SKAP1: variants seen among roughly 807,000 people sequenced by gnomAD.
SKAP1 encodes src kinase-associated phosphoprotein 1.
In SKAP1, 44 loss-of-function variants were observed where a neutral mutation model predicts 58.5. The observed-to-expected ratio is 0.75, with a 90% confidence interval of 0.59 to 0.97. The LOEUF (loss-of-function observed/expected upper bound fraction) is 0.97. SKAP1 is among the 50% of genes least tolerant of loss of function. The pLI is 0.00. For synonymous variants in SKAP1, 127 were observed against 149.7 expected, an observed-to-expected ratio of 0.85 and a Z score of 1.11; for missense variants, 390 against 435.2, an observed-to-expected ratio of 0.90 and a Z score of 0.92.
At chr17:48,265,312 T>G (rs897111402) in intron 4 of SKAP1, among the ~76,000 whole-genome samples, 5 of 152,230 alleles carry the variant, frequency 3.3e-5, no homozygotes, top group African/African-American at 1.2e-4. Context: ...AAGACCAGCC[T>G]GGCCAACATG....
chr17:48,261,081 T>A (rs2065479297), intron 4 of SKAP1, among the ~76,000 whole-genome samples: 1 of 152,162 alleles, frequency 6.6e-6, no homozygotes, highest in Non-Finnish European at 1.5e-5. Flanking sequence ...AGAATTAGAA[T>A]TATTATAGTT....
chr17:48,384,477 A>T (rs2067252849), intron 2 of SKAP1, among the ~76,000 whole-genome samples: 1 of 152,150 alleles, frequency 6.6e-6, no homozygotes, highest in African/African-American at 2.4e-5. Flanking sequence ...AAGACAGGAG[A>T]TTCTAGAGTT....
intron 1 of SKAP1, among the ~76,000 whole-genome samples, chr17:48,405,429 CTTTCTT>C (rs2067563303): frequency 1.2e-5 from 1 of 86,722 alleles, no homozygotes; most frequent in Non-Finnish European, 2.3e-5. Flanking sequence ...TTCTTTCTTT[CTTTCTT>C]TCTTTCTTTC....
chr17:48,165,470 G>A (rs1446508418), intron 10 of SKAP1, among the ~76,000 whole-genome samples: 1 of 149,050 alleles, frequency 6.7e-6, no homozygotes, highest in Admixed American at 6.8e-5. Context: ...GCATGATCTC[G>A]GCTCACCACA....
At chr17:48,347,906 A>G (rs567602116) in intron 3 of SKAP1, among the ~76,000 whole-genome samples, 56 of 152,336 alleles carry the variant, frequency 3.7e-4, no homozygotes, top group African/African-American at 1.3e-3. Context: ...CCAAATAAAA[A>G]TCCTTAAAAA....
chr17:48,153,166 T>C (rs2063924459), intron 11 of SKAP1, among the ~76,000 whole-genome samples: 1 of 152,220 alleles, frequency 6.6e-6, no homozygotes, highest in South Asian at 2.1e-4. Context: ...TTTTATTCTC[T>C]TTTTAAAAAA....
intron 4 of SKAP1, among the ~76,000 whole-genome samples, chr17:48,269,896 T>C (rs1441007604): frequency 1.3e-5 from 2 of 152,130 alleles, no homozygotes; most frequent in Non-Finnish European, 2.9e-5. Context: ...GAGTATCACC[T>C]GAGGTCGGGA....
rs145118608 is a variant in SKAP1, at chr17:48,208,217, G to A, written c.281-18717C>T. Among the ~76,000 whole-genome samples, 729 of 152,254 alleles carry A rather than the reference G, an allele frequency of 4.8e-3. 3 individuals are homozygous for A. Among genetic ancestry groups the A allele is most frequent in the Non-Finnish European group, 7.5e-3 (512 of 68,022 alleles). The stretch of plus-strand genomic sequence containing the variant: ...AACGGCAATATGAAGATATATGGGC[G>A]TTAGACCCACTGGTAGAGGAAGGAG... On this transcript the variant is annotated intron_variant, in intron 4 of 12. Transcript: ENST00000336915.
intron 4 of SKAP1, among the ~76,000 whole-genome samples, chr17:48,283,138 TA>T (rs2065788369): frequency 6.6e-6 from 1 of 152,030 alleles, no homozygotes; most frequent in Non-Finnish European, 1.5e-5. Flanking sequence ...AAAATATAGG[TA>T]ATATCAAGAG....
intron 3 of SKAP1, among the ~76,000 whole-genome samples, chr17:48,351,302 T>C (rs2066797854): frequency 6.6e-6 from 1 of 152,210 alleles, no homozygotes; most frequent in Admixed American, 6.5e-5. Flanking sequence ...CCAGAGAACA[T>C]CCTAGAGGCT....
the SKAP1 span, among the ~76,000 whole-genome samples, chr17:48,442,971 T>A: frequency 1.3e-5 from 2 of 152,232 alleles, no homozygotes; most frequent in African/African-American, 2.4e-5. Context: ...CTAGCCTTGC[T>A]GCCTGCATGG....
intron 2 of SKAP1, among the ~76,000 whole-genome samples, chr17:48,370,862 G>T (rs1472162443): frequency 6.6e-6 from 1 of 152,138 alleles, no homozygotes; most frequent in Non-Finnish European, 1.5e-5. Flanking sequence ...TAATAGCAAA[G>T]ACATGGAATC....
chr17:48,186,661 G>A (rs1390379407), intron 6 of SKAP1, among the ~76,000 whole-genome samples: 2 of 151,966 alleles, frequency 1.3e-5, no homozygotes, highest in Admixed American at 6.6e-5. Context: ...TAGTAGAGAC[G>A]GGGTTTCACT....
the SKAP1 span, among the ~76,000 whole-genome samples, chr17:48,436,690 A>C: frequency 6.7e-6 from 1 of 150,282 alleles, no homozygotes; most frequent in African/African-American, 2.5e-5. Flanking sequence ...ACCTCCTCCA[A>C]CTCTCATCCT....
chr17:48,189,471 C>A lies in SKAP1; in HGVS notation c.310G>T (p.Glu104Ter). The change falls in exon 5 of 13, where the codon GAA becomes TAA. Residue 104 changes from glutamate to a stop codon, truncating the protein, a stop_gained. Transcript: ENST00000336915. LOFTEE classifies it high-confidence loss of function. ...GMEDIVKGAQ[E>*]LDNVIKQGYL... ...CCTTGCTTGATTACGTTATCAAGTT[C>A]TTGAGCTCCTTTTACGATGTCTTCC... is the stretch of plus-strand genomic sequence containing the variant. The A allele has an allele frequency of 1.2e-6, 2 of 1,613,546 alleles. No homozygotes were observed. Among genetic ancestry groups the A allele is most frequent in the Non-Finnish European group, 1.7e-6 (2 of 1,179,878 alleles).
intron 4 of SKAP1, among the ~76,000 whole-genome samples, chr17:48,253,829 C>A (rs375860311): frequency 6.6e-6 from 1 of 152,084 alleles, no homozygotes; most frequent in Non-Finnish European, 1.5e-5. Flanking sequence ...AACCCCTCAT[C>A]AGAAGGCAGG....
At chr17:48,165,652 G>A (rs2064130003) in intron 10 of SKAP1, among the ~76,000 whole-genome samples, 2 of 151,882 alleles carry the variant, frequency 1.3e-5, no homozygotes, top group African/African-American at 2.4e-5. Flanking sequence ...CGCCCACCTC[G>A]GTCTCCTAAA....
At chr17:48,388,664 C>T (rs1245197107) in intron 2 of SKAP1, among the ~76,000 whole-genome samples, 1 of 152,124 alleles carries the variant, frequency 6.6e-6, no homozygotes, top group Admixed American at 6.5e-5. Context: ...ATTCAGCATG[C>T]ATATAATTAA....
At chr17:48,185,050 C>T in intron 6 of SKAP1, 1 of 522,420 alleles carries the variant, frequency 1.9e-6, no homozygotes, top group African/African-American at 1.9e-5. Flanking sequence ...TAGGGAAATG[C>T]AACGTGAAAG....
Sources: gnomAD v4.1 joint callset for allele counts (sites outside exome capture counted in the v4.1 genomes callset) on GRCh38, gnomAD v4.1.1 for gene constraint, MANE v1.5 for transcripts, NCBI Gene and HGNC (gene_info 2026-07-23, HGNC 2026-07-21) for gene names.